CILP2: variants seen among roughly 807,000 people sequenced by gnomAD.
CILP2 encodes the protein CILP-2.
In CILP2, 38 loss-of-function variants were observed where a neutral mutation model predicts 45.6. That is an observed-to-expected ratio of 0.83 (90% CI 0.64 to 1.09). The LOEUF is 1.09. Among genes scored for constraint, CILP2 ranks in the 50% least tolerant of loss-of-function variants. The pLI, the probability that CILP2 is intolerant of heterozygous loss-of-function variation, is 0.00. For synonymous variants in CILP2, 780 were observed against 723.5 expected (o/e 1.08, Z -1.25); for missense variants, 1,735 against 1,662.2 (o/e 1.04, Z -0.76).
chr19:19,544,490 G>C lies in CILP2; in HGVS notation c.1945G>C (p.Ala649Pro). ...CGGCATGTTCTCCGTGGACCTCCGT[G>C]CGCCCGGCTCCGCGGAGCAGCTGCA... The part of the protein sequence containing the change: ...TYGMFSVDLR[A>P]PGSAEQLQVG... The change falls in exon 8 of 8, where the codon GCG (alanine) becomes CCG (proline). Residue 649 changes from alanine to proline, a missense_variant. Transcript: ENST00000291495. 1 of 1,605,598 alleles carries C rather than the reference G, an allele frequency of 6.2e-7. No homozygotes were observed. The highest frequency in any genetic ancestry group is 8.5e-7 in the Non-Finnish European group (1 of 1,178,988).
chr19:19,538,698 C>T (rs1032520912), intron 1 of CILP2, among the ~76,000 whole-genome samples: 1 of 152,202 alleles, frequency 6.6e-6, no homozygotes, highest in Non-Finnish European at 1.5e-5. Flanking sequence ...CCGAAGGGGT[C>T]GGAACTGGCC....
In CILP2 at chr19:19,545,278, G is replaced by A; in HGVS notation, c.2733G>A (p.Val911=). Residue 911 remains valine (V), a synonymous_variant, in exon 8 of 8, where the codon GTG becomes GTA. Coordinates refer to ENST00000291495, the MANE Select transcript of CILP2 (RefSeq NM_153221.2). ...RVEADKYEYN[V]VPFREGTPAS... is the part of the protein sequence containing the mutation. The stretch of plus-strand genomic sequence containing the variant: ...AGGCGGACAAGTACGAGTACAACGT[G>A]GTCCCCTTCCGAGAGGGCACACCTG... 6.2e-7 allele frequency: 1 copy of A among 1,612,954 alleles called. No homozygotes were observed. Among genetic ancestry groups the A allele is most frequent in the Non-Finnish European group, 8.5e-7 (1 of 1,179,922 alleles).
chr19:19,539,685 C>T lies in CILP2; in HGVS notation c.71C>T (p.Thr24Ile). 2 of 1,585,674 alleles carry T rather than the reference C, an allele frequency of 1.3e-6. No individual in the cohort carries two copies. The highest frequency in any genetic ancestry group is 2.4e-5 in the East Asian group (1 of 42,482). ...AAHLAGARDA[T>I]PTEEPMATAL... ...CCCCACTCCTCACCCACAGACGCCA[C>T]CCCCACCGAGGAGCCAATGGCGACT... The change falls in exon 2 of 8, where the codon ACC (threonine) becomes ATC (isoleucine). Residue 24 changes from threonine to isoleucine, a missense_variant. Coordinates refer to ENST00000291495, the MANE Select transcript of CILP2 (RefSeq NM_153221.2).
chr19:19,544,208 C>T lies in CILP2; in HGVS notation c.1663C>T (p.Arg555Trp), dbSNP rs771137541. The change falls in exon 8 of 8, where the codon CGG (arginine) becomes TGG (tryptophan). Residue 555 changes from arginine to tryptophan, a missense_variant. Transcript: ENST00000291495. The stretch of plus-strand genomic sequence containing the variant: ...CGTGTACCACGAGGTCAAGGCCATG[C>T]GGAAGAAAGCCCCGGTCATTTTACA... Reference protein sequence around the residue: ...AGVYHEVKAMRKKAPVILHTS... With the variant: ...AGVYHEVKAMWKKAPVILHTS... 1.2e-6 allele frequency: 2 copies of T among 1,613,852 alleles called. No individual in the cohort carries two copies. The highest frequency in any genetic ancestry group is 1.3e-5 in the African/African-American group (1 of 75,064).
In CILP2 at chr19:19,543,676, C is replaced by T; in HGVS notation, c.1136-5C>T. On this transcript the variant is annotated splice_region_variant and splice_polypyrimidine_tract_variant and intron_variant, in intron 7 of 7. Transcript: ENST00000291495. The stretch of plus-strand genomic sequence containing the variant: ...CCCTGACCTGCATGTTTTCTTTGTC[C>T]CCAGCCCCAGGCCAGCCAGCCTGCG... 4 of 1,584,210 alleles carry T rather than the reference C, an allele frequency of 2.5e-6. No individual in the cohort carries two copies. The highest frequency in any genetic ancestry group is 1.3e-5 in the African/African-American group (1 of 74,476).
intron 5 of CILP2, 98 bp downstream of exon 5, chr19:19,542,748 T>C: frequency 2.5e-6 from 4 of 1,587,598 alleles, no homozygotes; most frequent in Non-Finnish European, 3.5e-6. Context: ...TGTGACACAG[T>C]CATTGGCGAA....
chr19:19,539,752 C>T lies in CILP2; in HGVS notation c.138C>T (p.Pro46=). 5 of 1,602,438 alleles carry T rather than the reference C, an allele frequency of 3.1e-6. No individual in the cohort carries two copies. The highest frequency in any genetic ancestry group is 1.3e-5 in the African/African-American group (1 of 74,162). The part of the protein sequence containing the change: ...LERRSVYTGQ[P]SPALEDWEEA... ...GACGGTCCGTGTACACCGGCCAGCC[C>T]TCACCAGCCCTGGAGGACTGGGAAG... The change falls in exon 2 of 8, where the codon CCC becomes CCT. Residue 46 remains proline, a synonymous_variant. Coordinates refer to ENST00000291495, the MANE Select transcript of CILP2 (RefSeq NM_153221.2).
chr19:19,546,007 C>T lies in CILP2; in HGVS notation c.3462C>T (p.Val1154=). 4.0e-6 allele frequency: 6 copies of T among 1,481,756 alleles called. No homozygotes were observed. Among genetic ancestry groups the T allele is most frequent in the Non-Finnish European group, 5.4e-6 (6 of 1,118,050 alleles). 91.8% of individuals were successfully genotyped at this position (1,481,756 alleles called of 1,614,324 possible). Residue 1154 remains valine (V), a synonymous_variant, in exon 8 of 8, where the codon GTC becomes GTT. Coordinates refer to ENST00000291495, the MANE Select transcript of CILP2 (RefSeq NM_153221.2). ...SGPLRTRRGR[V]RQ Reference sequence around the variant, plus strand: ...CCCTCCGCACCCGCCGGGGTAGGGTCCGGCAGTGACCTGGGCAGGGGCCTC... The same window carrying T: ...CCCTCCGCACCCGCCGGGGTAGGGTTCGGCAGTGACCTGGGCAGGGGCCTC...
At position 19,544,269 on chromosome 19, in the gene CILP2, T is replaced by C; in HGVS notation, c.1724T>C (p.Leu575Pro). 1 of 1,613,536 alleles carries C rather than the reference T, an allele frequency of 6.2e-7. No individual in the cohort carries two copies. Among genetic ancestry groups the C allele is most frequent in the Non-Finnish European group, 8.5e-7 (1 of 1,179,946 alleles). Reference protein sequence around the residue: ...SQSNTIPLGELEDEAPLGELV... With the variant: ...SQSNTIPLGEPEDEAPLGELV... Reference sequence around the variant, plus strand: ...AGCAACACGATCCCCCTGGGCGAGCTGGAAGATGAGGCGCCCCTGGGCGAG... The same window carrying C: ...AGCAACACGATCCCCCTGGGCGAGCCGGAAGATGAGGCGCCCCTGGGCGAG... Residue 575 changes from leucine to proline, a missense_variant, in exon 8 of 8, where the codon CTG (leucine) becomes CCG (proline). Physicochemically the swap from Leu to Pro is moderately conservative, Grantham distance 98 (BLOSUM62 -3). Coordinates refer to ENST00000291495, the MANE Select transcript of CILP2 (RefSeq NM_153221.2).
In CILP2 at chr19:19,545,091, ACGACGATC is replaced by A; in HGVS notation, c.2548_2555del (p.Asp850ArgfsTer5). ...AGGCTGGGGTACCGTCGGACGGACC[ACGACGATC>A]CCGCCTTCAAGCGTAACGGCTTCCG... On this transcript the variant is annotated frameshift_variant, in exon 8 of 8. Coordinates refer to ENST00000291495, the MANE Select transcript of CILP2 (RefSeq NM_153221.2). LOFTEE classifies it low-confidence loss of function (END_TRUNC). 1.2e-6 allele frequency: 2 copies of A among 1,611,184 alleles called. No homozygotes were observed. Among genetic ancestry groups the A allele is most frequent in the Non-Finnish European group, 1.7e-6 (2 of 1,179,416 alleles).
At position 19,544,318 on chromosome 19, in the gene CILP2, C is replaced by T. The variant is rs752210743; in HGVS notation, c.1773C>T (p.Phe591=). The T allele has an allele frequency of 6.2e-7, 1 of 1,612,606 alleles. No individual in the cohort carries two copies. The highest frequency in any genetic ancestry group is 8.5e-7 in the Non-Finnish European group (1 of 1,179,988). Residue 591 remains phenylalanine (F), a synonymous_variant, in exon 8 of 8, where the codon TTC becomes TTT. Coordinates refer to ENST00000291495, the MANE Select transcript of CILP2 (RefSeq NM_153221.2). ...AGCTGGTCCTGCCTTCTGGCGCTTTCCGCAGAGCCGACGGCAAACCCTACT... is the reference window on the plus strand; with the variant it reads ...AGCTGGTCCTGCCTTCTGGCGCTTTTCGCAGAGCCGACGGCAAACCCTACT... ...LGELVLPSGA[F]RRADGKPYSG...
intron 4 of CILP2, among the ~76,000 whole-genome samples, chr19:19,541,702 C>T (rs1191944266): frequency 6.6e-6 from 1 of 152,182 alleles, no homozygotes; most frequent in Non-Finnish European, 1.5e-5. Context: ...GCATTTGCAG[C>T]CCCCACCCCG....
rs764549556 is a variant in CILP2, at chr19:19,545,123, C to G, written c.2578C>G (p.Arg860Gly). 13 of 1,611,976 alleles carry G rather than the reference C, an allele frequency of 8.1e-6. No homozygotes were observed. The highest frequency in any genetic ancestry group is 1.0e-5 in the Non-Finnish European group (12 of 1,179,728). The change falls in exon 8 of 8, where the codon CGC becomes GGC. Residue 860 changes from arginine to glycine, a missense_variant. By Grantham distance (125) the Arg-to-Gly change is moderately radical. Coordinates refer to ENST00000291495, the MANE Select transcript of CILP2 (RefSeq NM_153221.2). ...TCCCGCCTTCAAGCGTAACGGCTTC[C>G]GCATCAACCTCGCCAAGCCCAGGCC... ...DDPAFKRNGF[R>G]INLAKPRPGD...
rs1391448069 is a variant in CILP2, at chr19:19,540,624, G to A, written c.436+148G>A. The A allele has an allele frequency of 5.2e-6, 5 of 965,518 alleles. No homozygotes were observed. In the East Asian group the frequency reaches 9.5e-5, roughly 18 times the overall value. 59.8% of individuals were successfully genotyped at this position (965,518 alleles called of 1,614,324 possible). On this transcript the variant is annotated intron_variant, in intron 3 of 7. Coordinates refer to ENST00000291495, the MANE Select transcript of CILP2 (RefSeq NM_153221.2). ...AAGAGCCGGGGGACCCTTAGGCGTA[G>A]GACGACGTCAGGGGGCGGGGCCAGG... is the stretch of plus-strand genomic sequence containing the variant.
rs1568368595 is a variant in CILP2, at chr19:19,539,735, G to C, written c.121G>C (p.Val41Leu). 6.2e-7 allele frequency: 1 copy of C among 1,606,538 alleles called. No homozygotes were observed. Among genetic ancestry groups the C allele is most frequent in the Non-Finnish European group, 8.5e-7 (1 of 1,175,848 alleles). The change falls in exon 2 of 8, where the codon GTG becomes CTG. Residue 41 changes from valine (V) to leucine (L), a missense_variant. By Grantham distance (32) the Val-to-Leu change is conservative. Transcript: ENST00000291495. ...ATALGLERRSVYTGQPSPALE... is the reference protein window; with the variant it reads ...ATALGLERRSLYTGQPSPALE... ...TGCACTGGGCCTGGAAAGACGGTCCGTGTACACCGGCCAGCCCTCACCAGC... is the reference window on the plus strand; with the variant it reads ...TGCACTGGGCCTGGAAAGACGGTCCCTGTACACCGGCCAGCCCTCACCAGC...
At chr19:19,539,578 AAAGG>A in intron 1 of CILP2, 97 bp from the exon 2 acceptor site, 1 of 687,790 alleles carries the variant, frequency 1.5e-6, no homozygotes, top group Non-Finnish European at 2.2e-6. Context: ...AAAAAAAAAA[AAAGG>A]GGGGGGATGA....
Position 19,541,051 on chromosome 19 carries a change from G to A in CILP2, c.437-40G>A, listed in dbSNP as rs531221422. 3 of 1,244,224 alleles carry A rather than the reference G, an allele frequency of 2.4e-6. No homozygotes were observed. In the African/African-American group the frequency reaches 4.6e-5, roughly 19 times the overall value. 77.1% of individuals were successfully genotyped at this position (1,244,224 alleles called of 1,614,324 possible). On this transcript the variant is annotated intron_variant, in intron 3 of 7. Transcript: ENST00000291495. Reference sequence around the variant, plus strand: ...AGGTTACCCGGAGGCGCAGTTCCTGGGGAGGGCGGCCACCTGATCTCCGTC... The same window carrying A: ...AGGTTACCCGGAGGCGCAGTTCCTGAGGAGGGCGGCCACCTGATCTCCGTC...
Position 19,541,262 on chromosome 19 carries a change from T to C in CILP2, c.592+16T>C. Reference sequence around the variant, plus strand: ...CGGTGTCCAGGTAGGAGGGGCGGGGTCTGGAGGCTGGGACCTGTACAGAGG... The same window carrying C: ...CGGTGTCCAGGTAGGAGGGGCGGGGCCTGGAGGCTGGGACCTGTACAGAGG... On this transcript the variant is annotated intron_variant, in intron 4 of 7. Transcript: ENST00000291495. 7.8e-7 allele frequency: 1 copy of C among 1,281,566 alleles called. No homozygotes were observed. Among genetic ancestry groups the C allele is most frequent in the Non-Finnish European group, 9.9e-7 (1 of 1,013,694 alleles). 79.4% of individuals were successfully genotyped at this position (1,281,566 alleles called of 1,614,324 possible). A position where few individuals can be genotyped will look rare whatever the true frequency, so the allele number is the denominator to read the frequency against.
chr19:19,544,796 C>A lies in CILP2; in HGVS notation c.2251C>A (p.Pro751Thr). The change falls in exon 8 of 8, where the codon CCC (proline) becomes ACC (threonine). Residue 751 changes from proline to threonine, a missense_variant. Physicochemically the swap from Pro to Thr is conservative, Grantham distance 38 (BLOSUM62 -1). Transcript: ENST00000291495. ...VRAYANDKFT[P>T]SEQVEGVVVT... Reference sequence around the variant, plus strand: ...CGCCTACGCCAACGACAAGTTCACCCCCAGCGAGCAGGTGGAGGGCGTGGT... The same window carrying A: ...CGCCTACGCCAACGACAAGTTCACCACCAGCGAGCAGGTGGAGGGCGTGGT... The A allele has an allele frequency of 6.2e-7, 1 of 1,605,758 alleles. No individual in the cohort carries two copies. The highest frequency in any genetic ancestry group is 1.1e-5 in the South Asian group (1 of 91,070).
Sources: allele counts gnomAD v4.1 joint callset (sites outside exome capture counted in the v4.1 genomes callset), GRCh38; gene constraint gnomAD v4.1.1; transcripts MANE v1.5; gene names NCBI Gene and HGNC (gene_info 2026-07-23, HGNC 2026-07-21).